Variants in ROCK2 observed in about 807,000 individuals in gnomAD.
The protein encoded by ROCK2 is Rho associated coiled-coil containing protein kinase 2.
In ROCK2, 61 loss-of-function variants were observed where a neutral mutation model predicts 195.1. The observed-to-expected ratio is 0.31, with a 90% CI of 0.25 to 0.39. The LOEUF is 0.39. ROCK2 is among the 10% of genes least tolerant of loss of function. The probability of loss-of-function intolerance (pLI) is 1.00; values close to 1 mark genes in which losing one functional copy is unlikely to be tolerated. For synonymous variants in ROCK2, 504 were observed against 545.5 expected (o/e 0.92, Z 1.06); for missense variants, 1,109 against 1,637.4 (o/e 0.68, Z 5.57).
intron 1 of ROCK2, among the ~76,000 whole-genome samples, chr2:11,317,612 A>ATATATATATATATATATTTTT (rs59701503): frequency 5.2e-5 from 1 of 19,314 alleles, no homozygotes; most frequent in African/African-American, 1.6e-4. Context: ...ATATATATAT[A>ATATATATATATATATATTTTT]TTTTTTTTTT....
Position 11,211,761 on chromosome 2 carries a change from T to C in ROCK2, c.2123A>G (p.His708Arg), listed in dbSNP as rs939345819. ...QQSLEQEEAE[H>R]KATKARLADK... ...TGCTAGTCGTGCCTTTGTGGCCTTA[T>C]GTTCAGCTTCTTCTTGTTCTAGGCT... Residue 708 changes from histidine to arginine, a missense_variant, in exon 18 of 33, where the codon CAT becomes CGT. By Grantham distance (29) the His-to-Arg change is conservative. Transcript: ENST00000315872. The C allele has an allele frequency of 6.2e-7, 1 of 1,613,732 alleles. No homozygotes were observed. Among genetic ancestry groups the C allele is most frequent in the Admixed American group, 1.7e-5 (1 of 60,000 alleles).
At chr2:11,221,434 ATTT>A in intron 8 of ROCK2, 77 bp from the exon 9 acceptor site, 2 of 1,021,126 alleles carry the variant, frequency 2.0e-6, no homozygotes, top group Non-Finnish European at 2.7e-6. Flanking sequence ...ATGATGTATT[ATTT>A]ATTATTTAAT....
intron 20 of ROCK2, 70 bp from the exon 21 acceptor site, chr2:11,202,191 G>A (rs1232197290): frequency 5.3e-5 from 68 of 1,273,260 alleles, no homozygotes; most frequent in Admixed American, 1.7e-5. Flanking sequence ...TCAAAGTATG[G>A]TCTGGGGGAA....
chr2:11,267,188 A>C (rs1400932436), intron 3 of ROCK2, among the ~76,000 whole-genome samples: 1 of 152,218 alleles, frequency 6.6e-6, no homozygotes, highest in African/African-American at 2.4e-5. Flanking sequence ...TACAGCATGA[A>C]TCTATATACC....
intron 32 of ROCK2, chr2:11,184,827 T>C (rs1431258349): frequency 2.3e-6 from 2 of 868,024 alleles, no homozygotes; most frequent in African/African-American, 3.6e-5. Flanking sequence ...TGTAACTTAA[T>C]GTTATGACTT....
chr2:11,183,928 A>G (rs890398897), intron 32 of ROCK2, among the ~76,000 whole-genome samples: 2 of 152,018 alleles, frequency 1.3e-5, no homozygotes, highest in African/African-American at 4.8e-5. Context: ...TCTGATTATA[A>G]ATAGATACCA....
chr2:11,323,510 T>C (rs55737637), intron 1 of ROCK2, among the ~76,000 whole-genome samples: 6,466 of 152,294 alleles, frequency 0.042, 279 homozygotes, highest in Non-Finnish European at 0.06. Context: ...CTGACTTTAA[T>C]ATAACTTTAA....
intron 1 of ROCK2, among the ~76,000 whole-genome samples, chr2:11,323,807 C>A (rs1397344676): frequency 6.6e-6 from 1 of 152,116 alleles, no homozygotes; most frequent in African/African-American, 2.4e-5. Context: ...CAGAATGATA[C>A]GTTTGTTACA....
At chr2:11,184,113 A>G (rs776692173) in intron 32 of ROCK2, among the ~76,000 whole-genome samples, 9 of 152,234 alleles carry the variant, frequency 5.9e-5, no homozygotes, top group Non-Finnish European at 1.0e-4. Context: ...CTCACAGCGT[A>G]TCACTGACAT....
chr2:11,336,929 A>C (rs945012367), intron 1 of ROCK2, among the ~76,000 whole-genome samples: 3 of 152,190 alleles, frequency 2.0e-5, no homozygotes, highest in African/African-American at 7.2e-5. Context: ...AGCAACAACC[A>C]TTAAAAATTT....
intron 3 of ROCK2, among the ~76,000 whole-genome samples, chr2:11,275,982 G>A (rs748799835): frequency 6.6e-6 from 1 of 152,050 alleles, no homozygotes; most frequent in Non-Finnish European, 1.5e-5. Context: ...TTATAGGCGT[G>A]AGCCACCGTG....
chr2:11,202,504 A>ATTC (rs1663895688), intron 20 of ROCK2, among the ~76,000 whole-genome samples: 1 of 150,738 alleles, frequency 6.6e-6, no homozygotes. Flanking sequence ...AATTATTATT[A>ATTC]TTTTTGTTTT....
At chr2:11,198,306 A>G (rs563505731) in intron 25 of ROCK2, among the ~76,000 whole-genome samples, 185 bp downstream of exon 25, 17 of 152,384 alleles carry the variant, frequency 1.1e-4, no homozygotes, top group Admixed American at 7.8e-4. Context: ...TTTAGTTGCT[A>G]TAGAATTTAA....
rs749156202 is a variant in ROCK2, at chr2:11,211,698, T to C, written c.2186A>G (p.Lys729Arg). 3 of 1,605,378 alleles carry C rather than the reference T, an allele frequency of 1.9e-6. No individual in the cohort carries two copies. Among genetic ancestry groups the C allele is most frequent in the African/African-American group, 2.7e-5 (2 of 74,366 alleles). The stretch of plus-strand genomic sequence containing the variant: ...ATGCATACCTTTCATGGCTTCTGAT[T>C]TGGCTTCTTCGATGGACTCATAGAT... Reference protein sequence around the residue: ...NKIYESIEEAKSEAMKEMEKK... With the variant: ...NKIYESIEEARSEAMKEMEKK... Residue 729 changes from lysine (K) to arginine (R), a missense_variant, in exon 18 of 33, where the codon AAA becomes AGA. By Grantham distance (26) the Lys-to-Arg change is conservative. Transcript: ENST00000315872.
chr2:11,204,347 C>T lies in ROCK2; in HGVS notation c.2550-2226G>A, dbSNP rs150356742. Among the ~76,000 whole-genome samples the T allele has an allele frequency of 3.0e-3, 462 of 152,172 alleles. 2 individuals carry two copies. Among genetic ancestry groups the T allele is most frequent in the African/African-American group, 9.9e-3 (411 of 41,520 alleles). On this transcript the variant is annotated intron_variant, in intron 20 of 32. Coordinates refer to ENST00000315872, the MANE Select transcript of ROCK2 (RefSeq NM_004850.5). The stretch of plus-strand genomic sequence containing the variant: ...ATAGCAACCACAAACTATAATCTCC[C>T]CGGTTTACTAGATGAGAACTCTAAC...
intron 1 of ROCK2, among the ~76,000 whole-genome samples, chr2:11,306,044 G>A (rs1186415155): frequency 2.6e-5 from 4 of 152,168 alleles, no homozygotes; most frequent in African/African-American, 9.7e-5. Flanking sequence ...CAAGACTGGG[G>A]AACTGTTCCA....
intron 1 of ROCK2, among the ~76,000 whole-genome samples, chr2:11,343,028 C>G (rs140013423): frequency 3.1e-4 from 47 of 152,316 alleles, no homozygotes; most frequent in African/African-American, 1.1e-3. Context: ...CATCTGCATT[C>G]CAGCACAGAA....
chr2:11,320,114 T>A (rs1382758726), intron 1 of ROCK2, among the ~76,000 whole-genome samples: 1 of 152,162 alleles, frequency 6.6e-6, no homozygotes, highest in East Asian at 1.9e-4. Flanking sequence ...TCACTCCCTA[T>A]AAGGACTCTT....
intron 3 of ROCK2, among the ~76,000 whole-genome samples, chr2:11,273,824 G>T (rs536765097): frequency 6.6e-6 from 1 of 151,912 alleles, no homozygotes; most frequent in African/African-American, 2.4e-5. Context: ...TAAAAGACAG[G>T]AGGCTGAGGC....
Sources: allele counts gnomAD v4.1 joint callset (sites outside exome capture counted in the v4.1 genomes callset), GRCh38; gene constraint gnomAD v4.1.1; transcripts MANE v1.5; gene names NCBI Gene and HGNC (gene_info 2026-07-23, HGNC 2026-07-21).